The following PVT1 variants were observed in gnomAD, a reference collection of about 807,000 sequenced individuals.
The protein encoded by PVT1 is Pvt1 oncogene.
intron 2 of PVT1, among the ~76,000 whole-genome samples, chr8:127,809,526 G>A (rs1356504940): frequency 6.6e-6 from 1 of 152,186 alleles, no homozygotes; most frequent in South Asian, 2.1e-4. Context: ...GCAGGGATGA[G>A]ATTAGAGTGA....
At chr8:127,863,351 C>T (rs189346025) in intron 2 of PVT1, among the ~76,000 whole-genome samples, 1 of 152,142 alleles carries the variant, frequency 6.6e-6, no homozygotes, top group Non-Finnish European at 1.5e-5. Context: ...ATCTCATGAT[C>T]TTTCTGCCTC....
At chr8:128,039,816 A>G (rs1273148281) in intron 4 of PVT1, among the ~76,000 whole-genome samples, 2 of 152,208 alleles carry the variant, frequency 1.3e-5, no homozygotes, top group Admixed American at 6.5e-5. Flanking sequence ...AGGGTATTGC[A>G]GTAATCCTGG....
rs73710050 is a variant in PVT1 at position 127,886,396 on chromosome 8, C to G, written n.373-4193C>G. Among the ~76,000 whole-genome samples the G allele has an allele frequency of 4.1e-3, 618 of 152,240 alleles. 12 individuals carry two copies. Among genetic ancestry groups the G allele is most frequent in the African/African-American group, 0.014 (576 of 41,544 alleles). ...TTAGAACACTTTCATCCCTTCCCAC[C>G]CCCGATATTGATCTTGCTCCATTCT... On this transcript the variant is annotated intron_variant and non_coding_transcript_variant, in intron 2 of 10. Coordinates refer to ENST00000651587, the Ensembl canonical transcript of PVT1.
At chr8:127,845,012 C>T (rs557851776) in intron 2 of PVT1, among the ~76,000 whole-genome samples, 7 of 152,224 alleles carry the variant, frequency 4.6e-5, no homozygotes, top group East Asian at 1.9e-4. Flanking sequence ...CACGCCCGGC[C>T]GGAGGTGTGT....
chr8:127,871,383 G>A lies in PVT1; in HGVS notation n.373-19206G>A, dbSNP rs75264851. Among the ~76,000 whole-genome samples, 789 of 152,330 alleles carry A rather than the reference G, an allele frequency of 5.2e-3. 12 individuals carry two copies. Among genetic ancestry groups the A allele is most frequent in the African/African-American group, 0.018 (739 of 41,568 alleles). The stretch of plus-strand genomic sequence containing the variant: ...CAGGGGAATGGATATGAAAACTTTT[G>A]TATCAAATAGACATTAGCGAGGAGA... On this transcript the variant is annotated intron_variant and non_coding_transcript_variant, in intron 2 of 10. Transcript: ENST00000651587.
chr8:127,953,885 C>T (rs1816538001), intron 3 of PVT1, among the ~76,000 whole-genome samples: 1 of 152,200 alleles, frequency 6.6e-6, no homozygotes, highest in African/African-American at 2.4e-5. Context: ...CATAATTTCT[C>T]CTTCCCAGTA....
exon 1 of PVT1, chr8:127,794,627 G>C (rs1261548612): frequency 2.0e-5 from 3 of 152,754 alleles, no homozygotes; most frequent in Admixed American, 2.0e-4. Context: ...GACGAGCTGC[G>C]AGCAAAGATG....
chr8:127,798,893 C>T (rs1426390670), intron 2 of PVT1, among the ~76,000 whole-genome samples: 2 of 151,820 alleles, frequency 1.3e-5, no homozygotes, highest in African/African-American at 2.4e-5. Flanking sequence ...ACAACCGCCT[C>T]GGTCTTTGTG....
intron 2 of PVT1, among the ~76,000 whole-genome samples, chr8:127,867,669 T>C (rs560197527): frequency 3.3e-5 from 5 of 152,264 alleles, no homozygotes; most frequent in Non-Finnish European, 1.5e-5. Context: ...CCTGTGGCTG[T>C]GCAGTCTCAT....
chr8:127,809,720 T>C (rs1044246747), intron 2 of PVT1, among the ~76,000 whole-genome samples: 3 of 152,166 alleles, frequency 2.0e-5, no homozygotes, highest in Non-Finnish European at 4.4e-5. Context: ...TCCCCAGGAA[T>C]TTATAGGAGA....
intron 4 of PVT1, among the ~76,000 whole-genome samples, chr8:128,068,344 G>C (rs1345228238): frequency 6.6e-6 from 1 of 152,036 alleles, no homozygotes; most frequent in Non-Finnish European, 1.5e-5. Flanking sequence ...ACTTTAACAA[G>C]ATGTGGGTGC....
intron 3 of PVT1, among the ~76,000 whole-genome samples, chr8:127,984,623 T>C (rs1366611564): frequency 1.3e-5 from 2 of 152,198 alleles, no homozygotes; most frequent in Admixed American, 1.3e-4. Context: ...TGTTGTTGTT[T>C]TGAGACAGAG....
chr8:127,944,551 C>T (rs1816396587), intron 3 of PVT1, among the ~76,000 whole-genome samples: 1 of 117,936 alleles, frequency 8.5e-6, no homozygotes, highest in East Asian at 2.7e-4. Context: ...CCACAGTTGT[C>T]CCATTTTTTT....
intron 4 of PVT1, among the ~76,000 whole-genome samples, chr8:128,016,298 G>A (rs1586482547): frequency 2.0e-5 from 3 of 148,614 alleles, no homozygotes; most frequent in African/African-American, 7.8e-5. Flanking sequence ...AAGGGGGCGA[G>A]GATGGTAACC....
intron 3 of PVT1, among the ~76,000 whole-genome samples, chr8:127,974,562 G>A (rs540482936): frequency 4.0e-5 from 6 of 150,642 alleles, no homozygotes; most frequent in South Asian, 2.1e-4. Context: ...CTACAGGTGC[G>A]CACTGCTACA....
intron 2 of PVT1, among the ~76,000 whole-genome samples, chr8:127,884,832 G>T (rs562779593): frequency 1.6e-4 from 25 of 152,232 alleles, no homozygotes; most frequent in Admixed American, 6.5e-4. Context: ...CCACCTTCTT[G>T]TGAGCATCAG....
intron 3 of PVT1, among the ~76,000 whole-genome samples, chr8:127,920,848 TTAAC>T (rs1816048058): frequency 6.6e-6 from 1 of 152,236 alleles, no homozygotes; most frequent in Non-Finnish European, 1.5e-5. Context: ...TTACAGGTGA[TTAAC>T]TTTGGCACTG....
intron 2 of PVT1, among the ~76,000 whole-genome samples, chr8:127,815,847 T>C (rs1322070727): frequency 6.6e-6 from 1 of 152,162 alleles, no homozygotes; most frequent in Non-Finnish European, 1.5e-5. Context: ...GATGTAAGGC[T>C]GGGTGTGGTG....
chr8:127,874,310 C>A (rs1815382325), intron 2 of PVT1, among the ~76,000 whole-genome samples: 1 of 152,070 alleles, frequency 6.6e-6, no homozygotes, highest in Non-Finnish European at 1.5e-5. Context: ...AAAGGCTGCA[C>A]AGAGGAGGAG....
Sources: allele counts gnomAD v4.1 joint callset (sites outside exome capture counted in the v4.1 genomes callset), GRCh38; gene constraint gnomAD v4.1.1; transcripts MANE v1.5; gene names NCBI Gene and HGNC (gene_info 2026-07-23, HGNC 2026-07-21).